Variants in ERCC6L observed in about 807,000 individuals in gnomAD.
The protein encoded by ERCC6L is ERCC excision repair 6 like, spindle assembly checkpoint helicase, also known as DNA excision repair protein ERCC-6-like.
Under a neutral mutation model 20.1 loss-of-function variants are expected in ERCC6L, and 7 were observed. That is an observed-to-expected ratio of 0.35 (90% CI 0.20 to 0.65). ERCC6L has a LOEUF of 0.65. Among genes scored for constraint, ERCC6L ranks in the 30% least tolerant of loss-of-function variants. The pLI is 0.69. For missense variants in ERCC6L, 592 were observed against 892.4 expected, an observed-to-expected ratio of 0.66 and a Z score of 4.29; for synonymous variants, 278 against 331.3, an observed-to-expected ratio of 0.84 and a Z score of 1.75.
chrX:72,209,903 C>G (rs1569490254), intron 1 of ERCC6L, among the ~76,000 whole-genome samples: 1 of 110,931 alleles, frequency 9.0e-6, no homozygotes, highest in Non-Finnish European at 1.9e-5. Context: ...GAAATTGGAC[C>G]CCTACTCATA....
intron 1 of ERCC6L, among the ~76,000 whole-genome samples, chrX:72,213,466 A>G (rs1169086576): frequency 9.0e-6 from 1 of 110,740 alleles, no homozygotes; most frequent in African/African-American, 3.3e-5. Context: ...CTCTGTTTTC[A>G]CTCTATTAAA....
chrX:72,208,627 G>A lies in ERCC6L; in HGVS notation c.140C>T (p.Ala47Val). The A allele has an allele frequency of 8.3e-7, 1 of 1,210,775 alleles. No homozygotes were observed. Among genetic ancestry groups the A allele is most frequent in the Non-Finnish European group, 1.1e-6 (1 of 895,078 alleles). Reference protein sequence around the residue: ...LEEAFKLFNLAKDIFPNEKVL... With the variant: ...LEEAFKLFNLVKDIFPNEKVL... ...TTTTTCATTGGGAAAAATGTCCTTT[G>A]CCAAATTGAAAAGTTTAAATGCTTC... The change falls in exon 2 of 2, where the codon GCA becomes GTA. Residue 47 changes from alanine (A) to valine (V), a missense_variant. Physicochemically the swap from Ala to Val is moderately conservative, Grantham distance 64. Transcript: ENST00000334463.
In ERCC6L at chrX:72,207,315, T is replaced by C. The variant is rs759554474; in HGVS notation, c.1452A>G (p.Gln484=). 7.6e-5 allele frequency: 92 copies of C among 1,209,665 alleles called. No homozygotes were observed. Among genetic ancestry groups the C allele is most frequent in the South Asian group, 2.1e-4 (12 of 56,767 alleles). ...DEGHQTLVFS[Q]SRQILNIIER... ...CAATGATGTTTAGAATTTGCCTCGA[T>C]TGAGAAAACACCAGAGTTTGATGTC... Residue 484 remains glutamine (Q), a synonymous_variant, in exon 2 of 2, where the codon CAA becomes CAG. Coordinates refer to ENST00000334463, the MANE Select transcript of ERCC6L (RefSeq NM_017669.4).
intron 1 of ERCC6L, among the ~76,000 whole-genome samples, chrX:72,218,521 T>TCTCGCTCTGTCACCCAGG (rs1418769541): frequency 1.5e-3 from 161 of 104,160 alleles, no homozygotes; most frequent in African/African-American, 5.6e-3. Context: ...GAAACAAGAG[T>TCTCGCTCTGTCACCCAGG]CTCGCTCTGT....
rs910523781 is a variant in ERCC6L, at chrX:72,205,894, T to C, written c.2873A>G (p.Glu958Gly). 1.7e-6 allele frequency: 2 copies of C among 1,209,723 alleles called. No individual in the cohort carries two copies. Among genetic ancestry groups the C allele is most frequent in the Non-Finnish European group, 2.2e-6 (2 of 895,080 alleles). ...ATTTTGTCTGTTGTCTGCTGAGTCT[T>C]CCAAGAAAAGATTGAAATCACATGC... ...QYACDFNLFL[E>G]DSADNRQNFS... Residue 958 changes from glutamate (E) to glycine (G), a missense_variant, in exon 2 of 2, where the codon GAA becomes GGA. This residue lies in a region of ERCC6L where 352 missense variants were observed against 402.6 expected (regional missense o/e 0.87). Transcript: ENST00000334463.
chrX:72,219,729 A>C (rs1018137056), intron 1 of ERCC6L, among the ~76,000 whole-genome samples: 2 of 108,899 alleles, frequency 1.8e-5, no homozygotes, highest in Non-Finnish European at 3.8e-5. Flanking sequence ...CACGCCTGTC[A>C]TCCCAGCTAC....
At chrX:72,218,394 C>T (rs918502085) in intron 1 of ERCC6L, among the ~76,000 whole-genome samples, 1 of 111,159 alleles carries the variant, frequency 9.0e-6, no homozygotes, top group Non-Finnish European at 1.9e-5. Context: ...AGATGTGAGG[C>T]ACCACGGTCG....
At chrX:72,226,788 G>A (rs981857598) in intron 1 of ERCC6L, among the ~76,000 whole-genome samples, 8 of 111,209 alleles carry the variant, frequency 7.2e-5, no homozygotes, top group African/African-American at 2.6e-4. Flanking sequence ...TAATCACAGC[G>A]GGGGCACAAG....
intron 1 of ERCC6L, among the ~76,000 whole-genome samples, chrX:72,237,096 G>A (rs978969183): frequency 2.7e-5 from 3 of 112,200 alleles, no homozygotes; most frequent in Non-Finnish European, 5.6e-5. Context: ...CATTCCCTAA[G>A]ACCCAGCAAT....
intron 1 of ERCC6L, among the ~76,000 whole-genome samples, chrX:72,216,935 C>T (rs902629463): frequency 5.3e-5 from 6 of 112,195 alleles, no homozygotes; most frequent in Non-Finnish European, 9.4e-5. Context: ...GGATGTTAGC[C>T]ACCAAATGCT....
rs756859732 is a variant in ERCC6L, at chrX:72,229,162, C to T, written c.68+9682G>A. 3.6e-5 allele frequency among the ~76,000 whole-genome samples: 4 copies of T among 111,754 alleles called. No homozygotes were observed. The South Asian group carries it at 1.5e-3, about 42-fold the overall frequency. On this transcript the variant is annotated intron_variant, in intron 1 of 1. Coordinates refer to ENST00000334463, the MANE Select transcript of ERCC6L (RefSeq NM_017669.4). ...CACACCCCCCTTTTACAACAAGCTTCACTTTGCTTTTCAGCCTCTGAAGGA... is the reference window on the plus strand; with the variant it reads ...CACACCCCCCTTTTACAACAAGCTTTACTTTGCTTTTCAGCCTCTGAAGGA...
intron 1 of ERCC6L, among the ~76,000 whole-genome samples, chrX:72,236,343 G>T (rs140818434): frequency 0.035 from 3,861 of 110,775 alleles, 190 homozygotes; most frequent in African/African-American, 0.12. Flanking sequence ...CTGTTGCCCA[G>T]GCTGGAGTGC....
intron 1 of ERCC6L, among the ~76,000 whole-genome samples, chrX:72,221,460 T>C (rs1044044773): frequency 9.0e-6 from 1 of 110,950 alleles, no homozygotes; most frequent in African/African-American, 3.3e-5. Context: ...CATCTGGGGA[T>C]GCCTAGAACA....
chrX:72,207,359 T>C lies in ERCC6L; in HGVS notation c.1408A>G (p.Lys470Glu). 1 of 1,211,650 alleles carries C rather than the reference T, an allele frequency of 8.3e-7. No homozygotes were observed. Among genetic ancestry groups the C allele is most frequent in the East Asian group, 3.0e-5 (1 of 33,842 alleles). The change falls in exon 2 of 2, where the codon AAG becomes GAG. Residue 470 changes from lysine to glutamate, a missense_variant. Coordinates refer to ENST00000334463, the MANE Select transcript of ERCC6L (RefSeq NM_017669.4). The part of the protein sequence containing the change: ...GKMIFLMDLL[K>E]RLRDEGHQTL... The stretch of plus-strand genomic sequence containing the variant: ...TGATGTCCCTCATCTCGCAGCCTCT[T>C]AAGTAGGTCCATTAGGAATATCATT...
At chrX:72,220,340 A>G (rs1039420620) in intron 1 of ERCC6L, among the ~76,000 whole-genome samples, 17 of 111,937 alleles carry the variant, frequency 1.5e-4, no homozygotes, top group African/African-American at 5.2e-4. Flanking sequence ...AAGATGAAAG[A>G]TAAGTGTTGA....
At chrX:72,231,187 G>T (rs1364466600) in intron 1 of ERCC6L, among the ~76,000 whole-genome samples, 1 of 111,931 alleles carries the variant, frequency 8.9e-6, no homozygotes, top group African/African-American at 3.2e-5. Flanking sequence ...ACCATCAACA[G>T]GATGAATGGA....
chrX:72,224,819 C>G (rs892368634), intron 1 of ERCC6L, among the ~76,000 whole-genome samples: 1 of 111,206 alleles, frequency 9.0e-6, no homozygotes, highest in African/African-American at 3.3e-5. Context: ...CACTGACTCC[C>G]CCATAATAGC....
rs35542963 is a variant in ERCC6L at position 72,222,093 on chromosome X, G to A, written c.69-13395C>T. On this transcript the variant is annotated intron_variant, in intron 1 of 1. Coordinates refer to ENST00000334463, the MANE Select transcript of ERCC6L (RefSeq NM_017669.4). ...CCTCCTCCTTCTCCACCTGTTACCCGTTCAAAAGCCACCAGTCAAACCACC... is the reference window on the plus strand; with the variant it reads ...CCTCCTCCTTCTCCACCTGTTACCCATTCAAAAGCCACCAGTCAAACCACC... 4.0e-3 allele frequency among the ~76,000 whole-genome samples: 441 copies of A among 109,128 alleles called. 3 individuals are homozygous for A. Among genetic ancestry groups the A allele is most frequent in the African/African-American group, 0.013 (376 of 29,900 alleles). 94.8% of individuals were successfully genotyped at this position (109,128 alleles called of 115,157 possible).
In ERCC6L at chrX:72,206,642, C is replaced by T; in HGVS notation, c.2125G>A (p.Glu709Lys). 8.3e-7 allele frequency: 1 copy of T among 1,211,425 alleles called. No individual in the cohort carries two copies. Among genetic ancestry groups the T allele is most frequent in the Non-Finnish European group, 1.1e-6 (1 of 895,486 alleles). ...QRVQKAQFLV[E>K]FESQNKEFLM... ...AACTCTTTATTTTGAGACTCGAATTCAACGAGGAATTGAGCTTTCTGAACC... is the reference window on the plus strand; with the variant it reads ...AACTCTTTATTTTGAGACTCGAATTTAACGAGGAATTGAGCTTTCTGAACC... The change falls in exon 2 of 2, where the codon GAA (glutamate) becomes AAA (lysine). Residue 709 changes from glutamate (E) to lysine (K), a missense_variant. Transcript: ENST00000334463.
Sources: gnomAD v4.1 joint callset for allele counts (sites outside exome capture counted in the v4.1 genomes callset) on GRCh38, gnomAD v4.1.1 for gene constraint, gnomAD v4.1.1 regional missense constraint, MANE v1.5 for transcripts, NCBI Gene and HGNC (gene_info 2026-07-23, HGNC 2026-07-21) for gene names.